ZFP41: variants seen among roughly 807,000 people sequenced by gnomAD.
ZFP41 encodes zinc finger protein 41 homolog.
A neutral mutation model predicts 11.6 loss-of-function variants in ZFP41; 10 were observed. That is an observed-to-expected ratio of 0.86 (90% CI 0.53 to 1.47). The LOEUF is 1.47. Among genes scored for constraint, ZFP41 ranks in the 40% most tolerant of loss-of-function variants. The probability of loss-of-function intolerance (pLI) is 0.00; values close to 1 mark genes in which losing one functional copy is unlikely to be tolerated. For synonymous variants in ZFP41, 123 were observed against 100.9 expected (o/e 1.22, Z -1.31); for missense variants, 302 against 264.6 (o/e 1.14, Z -0.98).
intron 2 of ZFP41, chr8:143,252,842 TCCCTGGATGCCGCCGG>T (rs1169352383): frequency 6.4e-6 from 1 of 156,196 alleles, no homozygotes; most frequent in African/African-American, 2.4e-5. Flanking sequence ...AGATAGACTG[TCCCTGGATGCCGCCGG>T]CGGACCACGG....
chr8:143,261,086 C>T lies in ZFP41; in HGVS notation c.*2212C>T, dbSNP rs1489601318. 2 of 152,318 alleles carry T rather than the reference C, an allele frequency of 1.3e-5. No individual in the cohort carries two copies. Among genetic ancestry groups the T allele is most frequent in the East Asian group, 3.9e-4 (2 of 5,188 alleles). The allele number at this position is 152,318 out of a possible 1,614,324, so 9.4% of individuals were successfully genotyped here. On this transcript the variant is annotated 3_prime_UTR_variant, in exon 3 of 3. Coordinates refer to ENST00000330701, the MANE Select transcript of ZFP41 (RefSeq NM_173832.6). ...GCCGACCAGCCCTCCTTGTCTGGGC[C>T]TCTGTTTCCTCTTCGACACAGGGAA...
At chr8:143,254,439 G>A (rs1055168123) in intron 2 of ZFP41, among the ~76,000 whole-genome samples, 41 of 152,178 alleles carry the variant, frequency 2.7e-4, no homozygotes, top group Non-Finnish European at 5.3e-4. Context: ...GGCGGGACAG[G>A]GAGCTGCTCA....
At position 143,249,689 on chromosome 8, in the gene ZFP41, G is replaced by A; in HGVS notation, c.-154-1G>A. On this transcript the variant is annotated splice_acceptor_variant, in intron 1 of 2. Transcript: ENST00000330701. LOFTEE classifies it low-confidence loss of function (5UTR_SPLICE). The stretch of plus-strand genomic sequence containing the variant: ...AGGTTCATGTTCTTGCTTCTCCCCA[G>A]CACCAAGAGGATGGTGGCCCTTGGC... 1 of 1,258,436 alleles carries A rather than the reference G, an allele frequency of 7.9e-7. No homozygotes were observed. The highest frequency in any genetic ancestry group is 1.1e-6 in the Non-Finnish European group (1 of 941,692). 78.0% of individuals were successfully genotyped at this position (1,258,436 alleles called of 1,614,324 possible).
In ZFP41 at chr8:143,260,616, G is replaced by A. The variant is rs1344956040; in HGVS notation, c.*1742G>A. The stretch of plus-strand genomic sequence containing the variant: ...CCGCCTGGACAGCACCTCCTGGGCC[G>A]CCCTGACCAGCAGACACCATCCTTC... On this transcript the variant is annotated 3_prime_UTR_variant, in exon 3 of 3. Transcript: ENST00000330701. The A allele has an allele frequency of 1.1e-5, 2 of 184,950 alleles. No individual in the cohort carries two copies. The highest frequency in any genetic ancestry group is 1.2e-5 in the Non-Finnish European group (1 of 86,606). 11.5% of individuals were successfully genotyped at this position (184,950 alleles called of 1,614,324 possible). A position where few individuals can be genotyped will look rare whatever the true frequency, so the allele number is the denominator to read the frequency against.
rs764423075 is a variant in ZFP41, at chr8:143,250,016, A to G, written c.173A>G (p.Glu58Gly). The G allele has an allele frequency of 6.8e-6, 11 of 1,614,048 alleles. No individual in the cohort carries two copies. In the African/African-American group the frequency reaches 1.2e-4, roughly 18 times the overall value. Residue 58 changes from glutamate (E) to glycine (G), a missense_variant, in exon 2 of 3, where the codon GAG becomes GGG. Physicochemically the swap from Glu to Gly is moderately conservative, Grantham distance 98 (BLOSUM62 -2). Coordinates refer to ENST00000330701, the MANE Select transcript of ZFP41 (RefSeq NM_173832.6). ...TEPCLSPEDE[E>G]HVFDAFDASF... ...CCCTGCCTGAGTCCTGAAGACGAAG[A>G]GCACGTCTTTGATGCCTTCGACGCT... is the stretch of plus-strand genomic sequence containing the variant.
rs143326313 is a variant in ZFP41 at position 143,249,817 on chromosome 8, G to C, written c.-27G>C. The C allele has an allele frequency of 5.8e-6, 9 of 1,552,300 alleles. No homozygotes were observed. Among genetic ancestry groups the C allele is most frequent in the Non-Finnish European group, 7.8e-6 (9 of 1,155,068 alleles). ...CAACAGAGAGGTCAGCAGCCCCTTA[G>C]CCCTCACGCTTCCAAGGAACAGAAT... On this transcript the variant is annotated 5_prime_UTR_variant, in exon 2 of 3. Transcript: ENST00000330701.
intron 2 of ZFP41, among the ~76,000 whole-genome samples, chr8:143,254,245 C>T (rs547012707): frequency 2.0e-5 from 3 of 152,354 alleles, no homozygotes; most frequent in South Asian, 2.1e-4. Flanking sequence ...CCGCCAGCCA[C>T]GTAAACCTCG....
chr8:143,252,932 A>G (rs192356462), intron 2 of ZFP41: 1 of 152,254 alleles, frequency 6.6e-6, no homozygotes, highest in Non-Finnish European at 1.5e-5. Flanking sequence ...CTCCTTATGC[A>G]GCCGTTCCCG....
chr8:143,252,629 G>A (rs768484789), intron 2 of ZFP41: 331 of 985,082 alleles, frequency 3.4e-4, no homozygotes, highest in Non-Finnish European at 3.8e-4. Flanking sequence ...TCAATGGCCC[G>A]TGGTCCCAAT....
chr8:143,257,757 G>A (rs938239329), intron 2 of ZFP41, among the ~76,000 whole-genome samples: 2 of 152,204 alleles, frequency 1.3e-5, no homozygotes, highest in African/African-American at 4.8e-5. Context: ...AAAACGGTTC[G>A]ACCATCAGGA....
rs1404438998 is a variant in ZFP41 at position 143,260,139 on chromosome 8, C to A, written c.*1265C>A. On this transcript the variant is annotated 3_prime_UTR_variant, in exon 3 of 3. Coordinates refer to ENST00000330701, the MANE Select transcript of ZFP41 (RefSeq NM_173832.6). The stretch of plus-strand genomic sequence containing the variant: ...CGTGCAGGGAAGCACCCTCTGAAAT[C>A]GTGCAGGGAAGCACCCTGTGAAGTC... The A allele has an allele frequency of 7.9e-6, 1 of 126,506 alleles. No homozygotes were observed. Among genetic ancestry groups the A allele is most frequent in the Non-Finnish European group, 1.7e-5 (1 of 60,330 alleles). 7.8% of individuals were successfully genotyped at this position (126,506 alleles called of 1,614,324 possible).
rs914412056 is a variant in ZFP41, at chr8:143,250,495, C to T, written c.*55C>T. ...CGGTGCGAGCCTCGCCGGACACCTG[C>T]TCCGTGGCTCCCTCGTGTCCCGCGT... On this transcript the variant is annotated 3_prime_UTR_variant, in exon 2 of 3. Transcript: ENST00000330701. The T allele has an allele frequency of 3.8e-6, 6 of 1,569,154 alleles. No homozygotes were observed. In the Admixed American group the frequency reaches 1.1e-4, roughly 28 times the overall value.
At chr8:143,258,061 C>G (rs1423210775) in intron 2 of ZFP41, among the ~76,000 whole-genome samples, 4 of 152,226 alleles carry the variant, frequency 2.6e-5, no homozygotes, top group Non-Finnish European at 4.4e-5. Context: ...CACGGTGGCT[C>G]ATTCCTGTCA....
intron 1 of ZFP41, among the ~76,000 whole-genome samples, chr8:143,248,690 A>T (rs59447581): frequency 0.41 from 60,875 of 149,344 alleles, 14,010 homozygotes; most frequent in East Asian, 0.69. Context: ...ACCAGGGCCC[A>T]CCCCCTGCCC....
At position 143,250,142 on chromosome 8, in the gene ZFP41, C is replaced by G; in HGVS notation, c.299C>G (p.Thr100Arg). Reference sequence around the variant, plus strand: ...TGTGGGCGGATCTTTAAGCACAAGACAGACCACATTCGCCATCAGAGGGTC... The same window carrying G: ...TGTGGGCGGATCTTTAAGCACAAGAGAGACCACATTCGCCATCAGAGGGTC... The part of the protein sequence containing the change: ...SECGRIFKHK[T>R]DHIRHQRVHT... Residue 100 changes from threonine to arginine, a missense_variant, in exon 2 of 3, where the codon ACA becomes AGA. Physicochemically the swap from Thr to Arg is moderately conservative, Grantham distance 71. Transcript: ENST00000330701. The G allele has an allele frequency of 1.9e-6, 3 of 1,614,170 alleles. No homozygotes were observed. The highest frequency in any genetic ancestry group is 2.5e-6 in the Non-Finnish European group (3 of 1,180,040).
At chr8:143,251,830 A>G (rs1021215479) in intron 2 of ZFP41, among the ~76,000 whole-genome samples, 4 of 152,222 alleles carry the variant, frequency 2.6e-5, no homozygotes, top group African/African-American at 9.6e-5. Flanking sequence ...TCACTTGGAA[A>G]GGGAGCCTTT....
chr8:143,249,952 C>A lies in ZFP41; in HGVS notation c.109C>A (p.Pro37Thr). The A allele has an allele frequency of 1.9e-6, 3 of 1,614,042 alleles. No individual in the cohort carries two copies. Among genetic ancestry groups the A allele is most frequent in the East Asian group, 2.2e-5 (1 of 44,870 alleles). ...GAAGGTGTCCGGGGACAGAAAGCCA[C>A]CTGAGAGGCCCACTGTGCCCAGGAA... The part of the protein sequence containing the change: ...EEKVSGDRKP[P>T]ERPTVPRKPR... Residue 37 changes from proline to threonine, a missense_variant, in exon 2 of 3, where the codon CCT becomes ACT. Coordinates refer to ENST00000330701, the MANE Select transcript of ZFP41 (RefSeq NM_173832.6).
At chr8:143,258,377 T>C (rs768105102) in intron 2 of ZFP41, among the ~76,000 whole-genome samples, 11 of 152,168 alleles carry the variant, frequency 7.2e-5, no homozygotes, top group Non-Finnish European at 1.3e-4. Context: ...CTGTCCTCCC[T>C]TCCTGTGACT....
Position 143,251,036 on chromosome 8 carries a change from T to C in ZFP41, c.*596T>C. On this transcript the variant is annotated 3_prime_UTR_variant, in exon 2 of 3. Coordinates refer to ENST00000330701, the MANE Select transcript of ZFP41 (RefSeq NM_173832.6). ...TCTGTGCCCCAACTGTGCTTGGTCC[T>C]CTGGCTTCTCTCCTCCTGCTGGAGT... 1 of 169,080 alleles carries C rather than the reference T, an allele frequency of 5.9e-6. No individual in the cohort carries two copies. The highest frequency in any genetic ancestry group is 1.4e-5 in the Non-Finnish European group (1 of 69,644). The allele number at this position is 169,080 out of a possible 1,614,324, so 10.5% of individuals were successfully genotyped here. A position where few individuals can be genotyped will look rare whatever the true frequency, so the allele number is the denominator to read the frequency against.
Sources: allele counts gnomAD v4.1 joint callset (sites outside exome capture counted in the v4.1 genomes callset), GRCh38; gene constraint gnomAD v4.1.1; transcripts MANE v1.5; gene names NCBI Gene and HGNC (gene_info 2026-07-23, HGNC 2026-07-21).